IQCM: variants seen among roughly 807,000 people sequenced by gnomAD.
IQCM encodes IQ motif containing M.
IQCM carries 45 observed loss-of-function variants against 57.6 expected under a neutral mutation model. The observed-to-expected ratio is 0.78, with a 90% confidence interval of 0.62 to 1.00. The LOEUF (loss-of-function observed/expected upper bound fraction) is 1.00, where lower values mean the gene tolerates loss of function less well. IQCM is among the 50% of genes least tolerant of loss of function. The pLI, the probability that IQCM is intolerant of heterozygous loss-of-function variation, is 0.00. For missense variants in IQCM, 468 were observed against 511.6 expected, an observed-to-expected ratio of 0.91 and a Z score of 0.82; for synonymous variants, 148 against 158.9, an observed-to-expected ratio of 0.93 and a Z score of 0.51.
intron 9 of IQCM, among the ~76,000 whole-genome samples, chr4:149,577,863 T>C (rs886701909): frequency 6.6e-6 from 1 of 151,918 alleles, no homozygotes; most frequent in Non-Finnish European, 1.5e-5. Flanking sequence ...TTAGTAAGCA[T>C]GTTTTTTCAT....
At chr4:149,714,274 T>C (rs1764807921) in intron 5 of IQCM, among the ~76,000 whole-genome samples, 1 of 152,160 alleles carries the variant, frequency 6.6e-6, no homozygotes, top group East Asian at 1.9e-4. Flanking sequence ...CTGCTCCTTC[T>C]CAGTCTCTTT....
At chr4:149,737,567 C>T (rs1228076802) in intron 3 of IQCM, 2 of 152,110 alleles carry the variant, frequency 1.3e-5, no homozygotes, top group Admixed American at 1.3e-4. Flanking sequence ...CAAAATATCT[C>T]CTTGCTTTTC....
intron 2 of IQCM, among the ~76,000 whole-genome samples, chr4:149,779,540 ATATC>A (rs1771408578): frequency 6.6e-6 from 1 of 152,294 alleles, no homozygotes; most frequent in African/African-American, 2.4e-5. Flanking sequence ...GAACAAATGG[ATATC>A]TGTAGACCAA....
intron 7 of IQCM, among the ~76,000 whole-genome samples, chr4:149,681,582 T>C (rs1180094337): frequency 6.6e-6 from 1 of 151,170 alleles, no homozygotes; most frequent in African/African-American, 2.4e-5. Flanking sequence ...CAGCAAATTT[T>C]TAAAAATTTC....
chr4:149,699,184 T>G (rs977843728), intron 5 of IQCM, among the ~76,000 whole-genome samples: 1 of 151,988 alleles, frequency 6.6e-6, no homozygotes, highest in Non-Finnish European at 1.5e-5. Flanking sequence ...AAATGCAAAG[T>G]TATATTGTGC....
Position 149,766,727 on chromosome 4 carries a change from A to C in IQCM, c.-48-23988T>G, listed in dbSNP as rs575828505. On this transcript the variant is annotated intron_variant, in intron 2 of 13. Coordinates refer to ENST00000636793, the MANE Select transcript of IQCM (RefSeq NM_001363507.2). ...AATGACCCAACTGTTACTATTTTGC[A>C]ATCATTACTCCATAACGGGAAGAAT... Among the ~76,000 whole-genome samples the C allele has an allele frequency of 3.9e-5, 6 of 152,268 alleles. No individual in the cohort carries two copies. The South Asian group carries it at 1.2e-3, about 32-fold the overall frequency.
intron 8 of IQCM, among the ~76,000 whole-genome samples, chr4:149,593,606 C>T (rs534646129): frequency 6.6e-6 from 1 of 152,116 alleles, no homozygotes; most frequent in South Asian, 2.1e-4. Context: ...TCATACATAG[C>T]TCTTATTATT....
intron 13 of IQCM, among the ~76,000 whole-genome samples, chr4:149,354,280 C>T (rs1207804632): frequency 4.5e-5 from 6 of 133,830 alleles, no homozygotes; most frequent in African/African-American, 8.4e-5. Context: ...AGGAGAATGG[C>T]GTGAACCCGG....
At chr4:149,732,781 C>G (rs1038254443) in intron 5 of IQCM, among the ~76,000 whole-genome samples, 5 of 152,280 alleles carry the variant, frequency 3.3e-5, no homozygotes, top group South Asian at 4.1e-4. Context: ...TTACACCTAC[C>G]ATGTTACTGA....
intron 9 of IQCM, among the ~76,000 whole-genome samples, chr4:149,580,137 G>T (rs1485886335): frequency 6.6e-6 from 1 of 151,758 alleles, no homozygotes; most frequent in South Asian, 2.1e-4. Flanking sequence ...ACTGATAGAA[G>T]AGAACTGAAA....
intron 5 of IQCM, among the ~76,000 whole-genome samples, chr4:149,697,560 G>A (rs1270631812): frequency 6.6e-6 from 1 of 151,972 alleles, no homozygotes; most frequent in Non-Finnish European, 1.5e-5. Context: ...TTTGCCCCCT[G>A]CAGAACAAAT....
intron 8 of IQCM, among the ~76,000 whole-genome samples, chr4:149,607,060 G>T (rs767539743): frequency 6.6e-6 from 1 of 151,850 alleles, no homozygotes; most frequent in African/African-American, 2.4e-5. Flanking sequence ...TGTACAAGAA[G>T]CTCAAAGAAT....
At chr4:149,387,246 C>T (rs1432113153) in intron 13 of IQCM, among the ~76,000 whole-genome samples, 1 of 151,974 alleles carries the variant, frequency 6.6e-6, no homozygotes. Context: ...GCTCCTCCAG[C>T]ACTAATCCCA....
At chr4:149,597,381 G>C (rs1209408088) in intron 8 of IQCM, among the ~76,000 whole-genome samples, 1 of 151,918 alleles carries the variant, frequency 6.6e-6, no homozygotes, top group Non-Finnish European at 1.5e-5. Flanking sequence ...TCTTGTTGTT[G>C]TGCTTTTTTT....
intron 7 of IQCM, among the ~76,000 whole-genome samples, chr4:149,669,128 C>G (rs1260089312): frequency 6.6e-6 from 1 of 152,204 alleles, no homozygotes; most frequent in Non-Finnish European, 1.5e-5. Flanking sequence ...TCCACATCCT[C>G]TCCAGCACCT....
chr4:149,780,776 AC>A (rs1771533257), intron 2 of IQCM, among the ~76,000 whole-genome samples: 1 of 152,142 alleles, frequency 6.6e-6, no homozygotes, highest in African/African-American at 2.4e-5. Flanking sequence ...AAACATCACC[AC>A]AACCAGTAAA....
intron 2 of IQCM, among the ~76,000 whole-genome samples, chr4:149,812,976 G>A (rs529601723): frequency 3.3e-4 from 50 of 152,122 alleles, no homozygotes; most frequent in African/African-American, 1.2e-3. Flanking sequence ...CAGAGTTAAT[G>A]AGCATCTTTT....
rs148794109 is a variant in IQCM at position 149,785,404 on chromosome 4, A to G, written c.-49+29907T>C. On this transcript the variant is annotated intron_variant, in intron 2 of 13. Coordinates refer to ENST00000636793, the MANE Select transcript of IQCM (RefSeq NM_001363507.2). ...TATAAAATAAGGAACTCAAATAGAA[A>G]TGTAATTCATGAATAACGGTTGGTA... 7.9e-3 allele frequency among the ~76,000 whole-genome samples: 1,205 copies of G among 152,286 alleles called. 6 individuals carry two copies. The highest frequency in any genetic ancestry group is 0.013 in the South Asian group (63 of 4,826).
intron 12 of IQCM, among the ~76,000 whole-genome samples, chr4:149,502,503 G>T (rs1441744510): frequency 6.6e-6 from 1 of 151,754 alleles, no homozygotes; most frequent in Non-Finnish European, 1.5e-5. Flanking sequence ...CCCTGTCTCT[G>T]CAAACAAAAC....
Sources: gnomAD v4.1 joint callset for allele counts (sites outside exome capture counted in the v4.1 genomes callset) on GRCh38, gnomAD v4.1.1 for gene constraint, MANE v1.5 for transcripts, NCBI Gene and HGNC (gene_info 2026-07-23, HGNC 2026-07-21) for gene names.